The following TRPM3 variants were observed in gnomAD, a reference collection of about 807,000 sequenced individuals.
TRPM3 encodes the protein transient receptor potential cation channel subfamily M member 3.
Under a neutral mutation model 181.2 loss-of-function variants are expected in TRPM3, and 77 were observed. The ratio of observed to expected loss-of-function variants is 0.42; its 90% confidence interval spans 0.35 to 0.51. TRPM3 has a LOEUF of 0.51. Among genes scored for constraint, TRPM3 ranks in the 20% least tolerant of loss-of-function variants. The probability of loss-of-function intolerance (pLI) is 0.01; values close to 1 mark genes in which losing one functional copy is unlikely to be tolerated. For synonymous variants in TRPM3, 745 were observed against 796.4 expected (o/e 0.94, Z 1.09); for missense variants, 1,759 against 2,196.7 (o/e 0.80, Z 3.98).
chr9:70,615,759 T>C (rs564776946), intron 18 of TRPM3, 149 bp downstream of exon 18: 1 of 752,594 alleles, frequency 1.3e-6, no homozygotes, highest in East Asian at 2.6e-5. Flanking sequence ...CTGGTCTCAA[T>C]ACTGAAATGA....
At chr9:70,772,318 G>T (rs546061157) in intron 7 of TRPM3, among the ~76,000 whole-genome samples, 130 of 67,630 alleles carry the variant, frequency 1.9e-3, no homozygotes, top group Admixed American at 9.3e-3. Flanking sequence ...TCATCACAGA[G>T]AGTATTTTTT....
chr9:71,296,417 C>T (rs1423549086), intron 1 of TRPM3, among the ~76,000 whole-genome samples: 2 of 152,106 alleles, frequency 1.3e-5, no homozygotes, highest in African/African-American at 2.4e-5. Context: ...AAGAATGTAA[C>T]ATTTGACCTA....
At chr9:70,652,325 T>C (rs1185783982) in intron 9 of TRPM3, among the ~76,000 whole-genome samples, 1 of 152,056 alleles carries the variant, frequency 6.6e-6, no homozygotes, top group African/African-American at 2.4e-5. Flanking sequence ...AGTTGTCCAG[T>C]AGGCAATCAG....
chr9:71,270,764 G>T (rs1362474665), intron 1 of TRPM3, among the ~76,000 whole-genome samples: 1 of 152,200 alleles, frequency 6.6e-6, no homozygotes, highest in African/African-American at 2.4e-5. Context: ...ATGGTGGCAT[G>T]TGACTCATGA....
chr9:71,021,514 C>T (rs912231161), intron 1 of TRPM3, among the ~76,000 whole-genome samples: 2 of 152,158 alleles, frequency 1.3e-5, no homozygotes, highest in Non-Finnish European at 2.9e-5. Flanking sequence ...GGGGTTGTTA[C>T]TTAGCACGCT....
Position 70,598,524 on chromosome 9 carries a change from C to G in TRPM3, c.2943G>C (p.Gly981=). The part of the protein sequence containing the change: ...RLQDQPFRSD[G]RVIYCVNIIY... ...TGATGTTCACGCAGTAGATGACCCT[C>G]CCGTCACTCCTGAAGGGCTGGTCTT... Residue 981 remains glycine (G), a synonymous_variant, in exon 21 of 26, where the codon GGG becomes GGC. Coordinates refer to ENST00000677713, the MANE Select transcript of TRPM3 (RefSeq NM_001366145.2). 1 of 1,614,224 alleles carries G rather than the reference C, an allele frequency of 6.2e-7. No homozygotes were observed. Among genetic ancestry groups the G allele is most frequent in the Admixed American group, 1.7e-5 (1 of 60,032 alleles).
intron 1 of TRPM3, among the ~76,000 whole-genome samples, chr9:71,088,992 T>C (rs971769030): frequency 2.0e-5 from 3 of 151,338 alleles, no homozygotes; most frequent in Non-Finnish European, 4.4e-5. Flanking sequence ...CTCTAGTACA[T>C]ATCTCTGAAA....
chr9:71,106,502 C>T (rs908923838), intron 1 of TRPM3, among the ~76,000 whole-genome samples: 2 of 152,122 alleles, frequency 1.3e-5, no homozygotes, highest in South Asian at 4.1e-4. Flanking sequence ...TCACCTTCTG[C>T]CATGATTGTA....
chr9:71,386,839 C>G (rs2092935131), intron 1 of TRPM3, among the ~76,000 whole-genome samples: 1 of 152,122 alleles, frequency 6.6e-6, no homozygotes, highest in South Asian at 2.1e-4. Flanking sequence ...AATCAGTGTT[C>G]CGTAAAAATC....
chr9:71,076,312 C>T (rs2063454835), intron 1 of TRPM3, among the ~76,000 whole-genome samples: 2 of 152,160 alleles, frequency 1.3e-5, no homozygotes, highest in Admixed American at 6.5e-5. Context: ...GGCTGTCAAA[C>T]ATTTACTAGC....
At chr9:71,062,918 G>T (rs192843655) in intron 1 of TRPM3, among the ~76,000 whole-genome samples, 7 of 152,044 alleles carry the variant, frequency 4.6e-5, no homozygotes, top group Admixed American at 4.6e-4. Context: ...GAACTATAAA[G>T]AAATACATTT....
chr9:70,543,699 G>A, intron 25 of TRPM3, among the ~76,000 whole-genome samples: 1 of 152,024 alleles, frequency 6.6e-6, no homozygotes, highest in Non-Finnish European at 1.5e-5. Context: ...TTACTGCCTT[G>A]GGAAAGAATA....
At chr9:70,850,437 A>C (rs562326936) in intron 3 of TRPM3, among the ~76,000 whole-genome samples, 5 of 152,186 alleles carry the variant, frequency 3.3e-5, no homozygotes, top group Non-Finnish European at 7.3e-5. Context: ...GAATAAAGAA[A>C]AGAATAAATA....
At chr9:70,787,768 T>G (rs1411291172) in intron 6 of TRPM3, among the ~76,000 whole-genome samples, 6 of 132,910 alleles carry the variant, frequency 4.5e-5, no homozygotes, top group Non-Finnish European at 3.3e-5. Flanking sequence ...GGATTCTTTT[T>G]TTTTTTTTTT....
At chr9:71,036,658 T>C (rs1031374539) in intron 1 of TRPM3, among the ~76,000 whole-genome samples, 3 of 152,232 alleles carry the variant, frequency 2.0e-5, no homozygotes. Flanking sequence ...CAAAAGCTTT[T>C]GGCCTTTTGC....
chr9:71,057,433 T>A (rs2060792016), intron 1 of TRPM3, among the ~76,000 whole-genome samples: 1 of 152,064 alleles, frequency 6.6e-6, no homozygotes, highest in African/African-American at 2.4e-5. Flanking sequence ...GCATCATGGA[T>A]TTAAATCGTT....
intron 3 of TRPM3, among the ~76,000 whole-genome samples, chr9:70,856,704 A>G (rs1189829657): frequency 6.6e-6 from 1 of 152,134 alleles, no homozygotes; most frequent in Non-Finnish European, 1.5e-5. Flanking sequence ...TAAGTGTGAA[A>G]ATGAGGGCTA....
chr9:71,170,374 G>A (rs1381923759), intron 1 of TRPM3, among the ~76,000 whole-genome samples: 2 of 152,180 alleles, frequency 1.3e-5, no homozygotes, highest in African/African-American at 2.4e-5. Context: ...CTGTGAGTCA[G>A]GATAAGTAGC....
At chr9:70,680,711 GT>G (rs2065196444) in intron 9 of TRPM3, among the ~76,000 whole-genome samples, 1 of 152,182 alleles carries the variant, frequency 6.6e-6, no homozygotes, top group Admixed American at 6.5e-5. Context: ...CTGTGGTTTT[GT>G]TTTGTCTTAT....
Sources: gnomAD v4.1 joint callset for allele counts (sites outside exome capture counted in the v4.1 genomes callset) on GRCh38, gnomAD v4.1.1 for gene constraint, MANE v1.5 for transcripts, NCBI Gene and HGNC (gene_info 2026-07-23, HGNC 2026-07-21) for gene names.